DCHS2: variants seen among roughly 807,000 people sequenced by gnomAD.
The protein encoded by DCHS2 is dachsous cadherin-related 2.
In DCHS2, 142 loss-of-function variants were observed where a neutral mutation model predicts 182.4. The observed-to-expected ratio is 0.78, with a 90% CI of 0.68 to 0.89. The LOEUF (loss-of-function observed/expected upper bound fraction) is 0.89, where lower values mean the gene tolerates loss of function less well. Among genes scored for constraint, DCHS2 ranks in the 40% least tolerant of loss-of-function variants. DCHS2 has a pLI of 0.00. For missense variants in DCHS2, 4,319 were observed against 4,198.6 expected, an observed-to-expected ratio of 1.03 and a Z score of -0.79; for synonymous variants, 1,740 against 1,663.3, an observed-to-expected ratio of 1.05 and a Z score of -1.12.
In DCHS2 at chr4:154,236,655, C is replaced by A. The variant is rs1731524435; in HGVS notation, c.7997G>T (p.Ser2666Ile). 2.5e-6 allele frequency: 4 copies of A among 1,613,960 alleles called. No homozygotes were observed. The African/African-American group carries it at 4.0e-5, about 16-fold the overall frequency. ...GACATGGGTGTGATAGCTCAGGCTG[C>A]TGAAGTTTGGGGGATTGTCATTGAC... Reference protein sequence around the residue: ...LDVNDNPPNFSSLSYHTHVKE... With the variant: ...LDVNDNPPNFISLSYHTHVKE... The change falls in exon 20 of 20, where the codon AGC becomes ATC. Residue 2666 changes from serine (S) to isoleucine (I), a missense_variant. Ser to Ile is a moderately radical substitution (Grantham distance 142). Coordinates refer to ENST00000357232, the MANE Select transcript of DCHS2 (RefSeq NM_001358235.2).
At position 154,234,924 on chromosome 4, in the gene DCHS2, T is replaced by A. The variant is rs1731381761; in HGVS notation, c.9728A>T (p.Lys3243Ile). ...AAATACTGAGGCAAGAGGTTGGAAT[T>A]TGGGCTCCCAACTAAGAAGATAATT... ...HWNYLLSWEPKFQPLASVFND... is the reference protein window; with the variant it reads ...HWNYLLSWEPIFQPLASVFND... Residue 3243 changes from lysine (K) to isoleucine (I), a missense_variant, in exon 20 of 20, where the codon AAA becomes ATA. Lys to Ile is a moderately radical substitution (Grantham distance 102). Transcript: ENST00000357232. The A allele has an allele frequency of 1.2e-6, 2 of 1,613,968 alleles. No homozygotes were observed. The highest frequency in any genetic ancestry group is 1.3e-5 in the African/African-American group (1 of 75,036).
intron 1 of DCHS2, among the ~76,000 whole-genome samples, chr4:154,465,760 A>G (rs527981796): frequency 6.6e-6 from 1 of 152,322 alleles, no homozygotes; most frequent in East Asian, 1.9e-4. Context: ...ATAAAGGACA[A>G]TACACAAGGA....
chr4:154,366,591 C>T, intron 2 of DCHS2, 150 bp from the exon 3 acceptor site: 1 of 623,610 alleles, frequency 1.6e-6, no homozygotes, highest in Non-Finnish European at 2.9e-6. Context: ...CACATATACA[C>T]ACACCCCCAT....
At chr4:154,345,149 C>T (rs1729300711) in intron 3 of DCHS2, among the ~76,000 whole-genome samples, 1 of 152,186 alleles carries the variant, frequency 6.6e-6, no homozygotes, top group Non-Finnish European at 1.5e-5. Flanking sequence ...GTGCCTTCTC[C>T]CAAGATGTCT....
rs1415404418 is a variant in DCHS2 at position 154,235,982 on chromosome 4, T to C, written c.8670A>G (p.Pro2890=). The C allele has an allele frequency of 6.2e-7, 1 of 1,613,938 alleles. No homozygotes were observed. Among genetic ancestry groups the C allele is most frequent in the African/African-American group, 1.3e-5 (1 of 74,924 alleles). The change falls in exon 20 of 20, where the codon CCA becomes CCG. Residue 2890 remains proline, a synonymous_variant. Transcript: ENST00000357232. ...FTQDQYFFTL[P]EKNKDRQLIG... is the part of the protein sequence containing the mutation. ...TCAACTGTCTGTCTTTATTCTTTTCTGGGAGGGTGAAAAAATACTGATCTT... is the reference window on the plus strand; with the variant it reads ...TCAACTGTCTGTCTTTATTCTTTTCCGGGAGGGTGAAAAAATACTGATCTT...
At position 154,320,672 on chromosome 4, in the gene DCHS2, T is replaced by C; in HGVS notation, c.4727A>G (p.Asp1576Gly). 4 of 1,614,100 alleles carry C rather than the reference T, an allele frequency of 2.5e-6. No individual in the cohort carries two copies. The highest frequency in any genetic ancestry group is 3.4e-6 in the Non-Finnish European group (4 of 1,180,022). The change falls in exon 9 of 20, where the codon GAC becomes GGC. Residue 1576 changes from aspartate (D) to glycine (G), a missense_variant. Transcript: ENST00000357232. ...GATGACAGTTGGAATGCTTTCTCTG[T>C]CAAGACGGGACACAGTGACTAGTGT... Reference protein sequence around the residue: ...FGTLVTVSRLDRESIPTVILT... With the variant: ...FGTLVTVSRLGRESIPTVILT...
intron 13 of DCHS2, among the ~76,000 whole-genome samples, chr4:154,272,508 C>T (rs1434778457): frequency 6.6e-6 from 1 of 151,972 alleles, no homozygotes; most frequent in Non-Finnish European, 1.5e-5. Context: ...GGCACTTTCC[C>T]CATGCTGTTC....
At chr4:154,415,702 A>G (rs775342497) in intron 1 of DCHS2, among the ~76,000 whole-genome samples, 21 of 152,120 alleles carry the variant, frequency 1.4e-4, no homozygotes, top group Non-Finnish European at 2.5e-4. Context: ...AGATGGAGCT[A>G]ATTAGGAGGA....
At chr4:154,240,442 C>A in intron 18 of DCHS2, 95 bp downstream of exon 18, 1 of 1,428,858 alleles carries the variant, frequency 7.0e-7, no homozygotes, top group Non-Finnish European at 9.4e-7. Context: ...TGAATGCTGT[C>A]TATCTGAATT....
intron 1 of DCHS2, among the ~76,000 whole-genome samples, chr4:154,477,859 C>T (rs889088084): frequency 3.3e-5 from 5 of 152,154 alleles, no homozygotes; most frequent in Non-Finnish European, 7.3e-5. Context: ...ACTGACGTTC[C>T]TCAAATGGGT....
chr4:154,260,493 T>TAA (rs895236009), intron 14 of DCHS2, among the ~76,000 whole-genome samples: 1 of 151,202 alleles, frequency 6.6e-6, no homozygotes, highest in African/African-American at 2.4e-5. Context: ...CTGAATTTAA[T>TAA]AAAAAAAAAG....
At chr4:154,368,521 T>A (rs946950616) in intron 2 of DCHS2, among the ~76,000 whole-genome samples, 12 of 151,474 alleles carry the variant, frequency 7.9e-5, no homozygotes, top group Non-Finnish European at 1.2e-4. Context: ...ATAATACTTT[T>A]TTTTTTTTTT....
chr4:154,290,495 G>A (rs6846599), intron 13 of DCHS2, among the ~76,000 whole-genome samples: 151,083 of 152,260 alleles, frequency 0.99, 74,962 homozygotes, highest in Middle Eastern at 1. Flanking sequence ...ATCCTGAGCA[G>A]AAAGAACAGA....
At chr4:154,327,487 C>A (rs991093054) in intron 7 of DCHS2, among the ~76,000 whole-genome samples, 1 of 152,128 alleles carries the variant, frequency 6.6e-6, no homozygotes, top group African/African-American at 2.4e-5. Context: ...TCTCTTCTTT[C>A]CTATGTCCTA....
chr4:154,310,634 A>T (rs1735633324), intron 10 of DCHS2, among the ~76,000 whole-genome samples: 1 of 152,184 alleles, frequency 6.6e-6, no homozygotes, highest in Non-Finnish European at 1.5e-5. Flanking sequence ...TTTTCTGTAG[A>T]CTGGGGATGG....
intron 1 of DCHS2, among the ~76,000 whole-genome samples, chr4:154,423,770 A>G (rs1156578631): frequency 6.6e-6 from 1 of 152,234 alleles, no homozygotes; most frequent in East Asian, 1.9e-4. Flanking sequence ...TAAAATGCAT[A>G]TACTTATACA....
chr4:154,466,945 G>A (rs772964716), intron 1 of DCHS2, among the ~76,000 whole-genome samples: 7 of 152,108 alleles, frequency 4.6e-5, no homozygotes, highest in Non-Finnish European at 8.8e-5. Context: ...GGTTCCAAGA[G>A]AGCTCTCTTT....
intron 1 of DCHS2, among the ~76,000 whole-genome samples, chr4:154,447,899 AC>A (rs1238744013): frequency 6.6e-6 from 1 of 151,614 alleles, no homozygotes; most frequent in Non-Finnish European, 1.5e-5. Flanking sequence ...CCTTAAACAC[AC>A]TCCCTCAATC....
chr4:154,412,230 A>G (rs762529500), intron 1 of DCHS2, among the ~76,000 whole-genome samples: 10 of 152,216 alleles, frequency 6.6e-5, no homozygotes, highest in Non-Finnish European at 1.0e-4. Flanking sequence ...GGGAATAAAG[A>G]GAAACCTCTG....
Sources: gnomAD v4.1 joint callset for allele counts (sites outside exome capture counted in the v4.1 genomes callset) on GRCh38, gnomAD v4.1.1 for gene constraint, MANE v1.5 for transcripts, NCBI Gene and HGNC (gene_info 2026-07-23, HGNC 2026-07-21) for gene names.